GPC4: variants seen among roughly 807,000 people sequenced by gnomAD.
The protein encoded by GPC4 is glypican-4.
A neutral mutation model predicts 35.0 loss-of-function variants in GPC4; 10 were observed. The observed-to-expected ratio is 0.29, with a 90% confidence interval of 0.18 to 0.48. The LOEUF is 0.48. GPC4 is among the 20% of genes least tolerant of loss of function. The pLI is 0.99. For missense variants in GPC4, 322 were observed against 451.3 expected (o/e 0.71, Z 2.60); for synonymous variants, 167 against 170.2 (o/e 0.98, Z 0.15).
chrX:133,315,970 G>T (rs1057329460), intron 3 of GPC4, among the ~76,000 whole-genome samples: 1 of 111,303 alleles, frequency 9.0e-6, no homozygotes, highest in African/African-American at 3.3e-5. Flanking sequence ...AATGGGAAAA[G>T]AAAAACTGTA....
chrX:133,316,454 A>C (rs1037158283), intron 3 of GPC4, among the ~76,000 whole-genome samples: 3 of 111,562 alleles, frequency 2.7e-5, no homozygotes, highest in Non-Finnish European at 5.6e-5. Flanking sequence ...ATGGCAGTAC[A>C]TAAGCCTAAT....
chrX:133,343,488 T>C (rs940407758), intron 1 of GPC4, among the ~76,000 whole-genome samples: 31 of 111,904 alleles, frequency 2.8e-4, no homozygotes, highest in Admixed American at 2.7e-3. Flanking sequence ...TTGTTGAGAA[T>C]TCCTTGTTCT....
In GPC4 at chrX:133,302,198, C is replaced by T. The variant is rs1176522770; in HGVS notation, c.*669G>A. ...GTAGTCTGCAGTCTCTTCCAACTAT[C>T]ACCAATAAATGAAGTACACATAACC... On this transcript the variant is annotated 3_prime_UTR_variant, in exon 9 of 9. Transcript: ENST00000370828. 8.9e-6 allele frequency: 1 copy of T among 112,471 alleles called. No homozygotes were observed. Among genetic ancestry groups the T allele is most frequent in the African/African-American group, 3.2e-5 (1 of 30,828 alleles). The allele number at this position is 112,471 out of a possible 1,213,427, so 9.3% of individuals were successfully genotyped here.
chrX:133,312,062 G>A (rs2068316999), intron 3 of GPC4, among the ~76,000 whole-genome samples: 1 of 111,366 alleles, frequency 9.0e-6, no homozygotes, highest in Non-Finnish European at 1.9e-5. Flanking sequence ...GGTTTTCCAA[G>A]GCTTGGGAGT....
chrX:133,323,541 G>GA (rs772514668), intron 3 of GPC4, among the ~76,000 whole-genome samples: 1 of 112,300 alleles, frequency 8.9e-6, no homozygotes, highest in Admixed American at 9.4e-5. Context: ...TCCCAATGAG[G>GA]AAACAGGTTC....
chrX:133,398,953 A>G (rs1008803974), intron 1 of GPC4, among the ~76,000 whole-genome samples: 7 of 111,104 alleles, frequency 6.3e-5, no homozygotes, highest in Admixed American at 4.8e-4. Flanking sequence ...TTTGCTTACA[A>G]TCCTAATCTC....
At chrX:133,379,426 G>C (rs2068650615) in intron 1 of GPC4, among the ~76,000 whole-genome samples, 1 of 112,181 alleles carries the variant, frequency 8.9e-6, no homozygotes, top group Non-Finnish European at 1.9e-5. Context: ...GCAGGAATGA[G>C]AAGTGGTGTC....
In GPC4 at chrX:133,305,922, C is replaced by CA; in HGVS notation, c.1009-5dup. 1 of 1,211,175 alleles carries CA rather than the reference C, an allele frequency of 8.3e-7. No individual in the cohort carries two copies. The highest frequency in any genetic ancestry group is 1.1e-6 in the Non-Finnish European group (1 of 895,328). ...GGGGTCCACATCCCTGGAAAACCTG[C>CA]ATTAGAGTAAGTGTCGTCATGTTAG... On this transcript the variant is annotated splice_region_variant and splice_polypyrimidine_tract_variant and intron_variant, in intron 5 of 8. Coordinates refer to ENST00000370828, the MANE Select transcript of GPC4 (RefSeq NM_001448.3).
At chrX:133,306,188 T>C in intron 4 of GPC4, 34 bp from the exon 5 acceptor site, 2 of 1,202,612 alleles carry the variant, frequency 1.7e-6, no homozygotes, top group Non-Finnish European at 2.2e-6. Context: ...CAATACAGCA[T>C]AAAAAGTCAA....
intron 2 of GPC4, among the ~76,000 whole-genome samples, chrX:133,325,671 C>T (rs1026069145): frequency 8.9e-6 from 1 of 112,070 alleles, no homozygotes; most frequent in African/African-American, 3.2e-5. Flanking sequence ...AAATAAGAAA[C>T]TGCCTCTGAG....
intron 1 of GPC4, among the ~76,000 whole-genome samples, chrX:133,343,746 T>C (rs1281328089): frequency 9.0e-6 from 1 of 111,712 alleles, no homozygotes; most frequent in Non-Finnish European, 1.9e-5. Context: ...CAAACTTTTT[T>C]CAATCACACC....
chrX:133,397,345 C>T (rs1019584725), intron 1 of GPC4, among the ~76,000 whole-genome samples: 2 of 111,380 alleles, frequency 1.8e-5, no homozygotes, highest in East Asian at 2.8e-4. Context: ...AGATCACTTG[C>T]GCTGGGAGTT....
chrX:133,400,180 A>G (rs1352811749), intron 1 of GPC4, among the ~76,000 whole-genome samples: 2 of 112,074 alleles, frequency 1.8e-5, no homozygotes, highest in Non-Finnish European at 3.8e-5. Context: ...CATGTAAGCC[A>G]AGATAACTCG....
chrX:133,308,266 C>G (rs1015809634), intron 4 of GPC4, among the ~76,000 whole-genome samples: 2 of 111,872 alleles, frequency 1.8e-5, no homozygotes, highest in Non-Finnish European at 3.8e-5. Context: ...CTGACTGGCT[C>G]CTGCCTCCTG....
chrX:133,404,546 CAAAAAA>C lies in GPC4; in HGVS notation c.160+10254_160+10259del, dbSNP rs766777711. Among the ~76,000 whole-genome samples, 6 of 37,373 alleles carry C rather than the reference CAAAAAA, an allele frequency of 1.6e-4. 1 individual carries two copies. Among genetic ancestry groups the C allele is most frequent in the African/African-American group, 6.8e-4 (4 of 5,902 alleles). The allele number at this position is 37,373 out of a possible 115,157, so 32.5% of individuals were successfully genotyped here. On this transcript the variant is annotated intron_variant, in intron 1 of 8. Transcript: ENST00000370828. ...TGGGCAATAGAGCAAGACTCTGCCT[CAAAAAA>C]AAAAAAAAAAAAAGAAGGTGCAGAG... is the stretch of plus-strand genomic sequence containing the variant.
At chrX:133,305,952 G>A (rs371112729) in intron 5 of GPC4, 34 bp from the exon 6 acceptor site, 1 of 1,210,644 alleles carries the variant, frequency 8.3e-7, no homozygotes. Flanking sequence ...TGTTAGGGAA[G>A]TCACTCCCAA....
chrX:133,349,951 T>C (rs1214621698), intron 1 of GPC4, among the ~76,000 whole-genome samples: 1 of 111,576 alleles, frequency 9.0e-6, no homozygotes, highest in Admixed American at 9.5e-5. Flanking sequence ...CAAATTATTT[T>C]CTCTTTTTTA....
intron 1 of GPC4, among the ~76,000 whole-genome samples, chrX:133,414,298 C>CACGTTTT (rs1011250745): frequency 2.7e-5 from 3 of 109,694 alleles, no homozygotes; most frequent in African/African-American, 1.0e-4. Flanking sequence ...ATTCAAGTTC[C>CACGTTTT]ACGTTTTGCG....
At chrX:133,410,644 T>C (rs1438667501) in intron 1 of GPC4, among the ~76,000 whole-genome samples, 1 of 112,433 alleles carries the variant, frequency 8.9e-6, no homozygotes, top group Admixed American at 9.4e-5. Flanking sequence ...CTTGTACACA[T>C]AACAAAAAAC....
Sources: gnomAD v4.1 joint callset for allele counts (sites outside exome capture counted in the v4.1 genomes callset) on GRCh38, gnomAD v4.1.1 for gene constraint, MANE v1.5 for transcripts, NCBI Gene and HGNC (gene_info 2026-07-23, HGNC 2026-07-21) for gene names.